Variants in LRBA observed in about 807,000 individuals in gnomAD.
LRBA encodes lipopolysaccharide-responsive and beige-like anchor protein.
In LRBA, 176 loss-of-function variants were observed where a neutral mutation model predicts 330.0. That is an observed-to-expected ratio of 0.53 (90% CI 0.47 to 0.60). The LOEUF (loss-of-function observed/expected upper bound fraction) is 0.60, where lower values mean the gene tolerates loss of function less well. LRBA is among the 20% of genes least tolerant of loss of function. LRBA has a pLI of 0.00. For missense variants in LRBA, 3,259 were observed against 3,444.8 expected (o/e 0.95, Z 1.35); for synonymous variants, 1,230 against 1,193.0 (o/e 1.03, Z -0.64).
At chr4:150,753,027 C>G (rs1468542809) in intron 35 of LRBA, among the ~76,000 whole-genome samples, 4 of 151,994 alleles carry the variant, frequency 2.6e-5, no homozygotes, top group Non-Finnish European at 5.9e-5. Flanking sequence ...CAGTATCTAC[C>G]ACCTTCTATC....
At chr4:150,887,439 T>C (rs1729053544) in intron 17 of LRBA, among the ~76,000 whole-genome samples, 1 of 151,974 alleles carries the variant, frequency 6.6e-6, no homozygotes, top group African/African-American at 2.4e-5. Flanking sequence ...GAGAAAGATA[T>C]AAGTGAAGCA....
chr4:150,283,562 A>C (rs1313305383), intron 54 of LRBA, among the ~76,000 whole-genome samples: 1 of 152,144 alleles, frequency 6.6e-6, no homozygotes, highest in East Asian at 1.9e-4. Flanking sequence ...CCCCACAATG[A>C]CTATTGAAAG....
At chr4:150,708,535 C>G (rs1294752955) in intron 36 of LRBA, among the ~76,000 whole-genome samples, 1 of 151,628 alleles carries the variant, frequency 6.6e-6, no homozygotes, top group Non-Finnish European at 1.5e-5. Context: ...AAAATGGTAT[C>G]AAAAAATAGA....
chr4:150,978,795 T>C (rs2149600008), intron 2 of LRBA, among the ~76,000 whole-genome samples: 1 of 152,128 alleles, frequency 6.6e-6, no homozygotes, highest in Non-Finnish European at 1.5e-5. Context: ...AAGAAAGAAT[T>C]AGTAAGCTTG....
intron 44 of LRBA, among the ~76,000 whole-genome samples, chr4:150,452,626 GAA>G (rs35235439): frequency 3.6e-5 from 5 of 137,114 alleles, no homozygotes; most frequent in Admixed American, 7.3e-5. Flanking sequence ...CATCTCAAAG[GAA>G]AAAAAAAAAA....
intron 35 of LRBA, among the ~76,000 whole-genome samples, chr4:150,754,045 C>T (rs1582246518): frequency 6.9e-6 from 1 of 145,610 alleles, no homozygotes; most frequent in African/African-American, 2.5e-5. Context: ...CCAGCCTGGG[C>T]AACAAAGTTG....
chr4:150,789,578 A>C (rs1283373752), intron 34 of LRBA, among the ~76,000 whole-genome samples: 1 of 152,194 alleles, frequency 6.6e-6, no homozygotes, highest in Non-Finnish European at 1.5e-5. Context: ...GATCCTGAGA[A>C]GCTGGGATGC....
chr4:150,592,212 A>C (rs1024087295), intron 38 of LRBA, among the ~76,000 whole-genome samples: 9 of 119,276 alleles, frequency 7.5e-5, no homozygotes, highest in Non-Finnish European at 1.3e-4. Flanking sequence ...CCCAAACCCC[A>C]GAAAGAATAA....
chr4:150,838,600 G>A (rs1288316128), intron 28 of LRBA, among the ~76,000 whole-genome samples: 2 of 152,148 alleles, frequency 1.3e-5, no homozygotes, highest in Non-Finnish European at 2.9e-5. Context: ...TGAAGCTTGT[G>A]CATTTGTCAC....
chr4:150,450,218 C>A (rs912352993), intron 44 of LRBA, among the ~76,000 whole-genome samples: 1 of 152,098 alleles, frequency 6.6e-6, no homozygotes, highest in African/African-American at 2.4e-5. Flanking sequence ...AAAATGAATT[C>A]TTTTATCAAA....
chr4:150,319,184 T>C (rs551730488), intron 50 of LRBA, among the ~76,000 whole-genome samples: 1 of 151,820 alleles, frequency 6.6e-6, no homozygotes, highest in African/African-American at 2.4e-5. Flanking sequence ...GCCAGCTCAG[T>C]TCCCGTTGAG....
intron 2 of LRBA, among the ~76,000 whole-genome samples, chr4:151,004,975 A>G (rs1743838727): frequency 1.3e-5 from 2 of 152,216 alleles, no homozygotes; most frequent in Admixed American, 6.5e-5. Flanking sequence ...TGGGCGACAG[A>G]GCGAGACTTC....
chr4:150,769,248 C>T (rs1018084333), intron 34 of LRBA, among the ~76,000 whole-genome samples: 3 of 151,872 alleles, frequency 2.0e-5, no homozygotes, highest in Non-Finnish European at 4.4e-5. Context: ...CCCGGCCTAT[C>T]AACTGCTATT....
intron 36 of LRBA, among the ~76,000 whole-genome samples, chr4:150,691,657 A>C (rs1784149895): frequency 6.6e-6 from 1 of 152,228 alleles, no homozygotes; most frequent in Non-Finnish European, 1.5e-5. Flanking sequence ...TTGTAAGCTT[A>C]AACATATACT....
chr4:150,704,087 C>T (rs1213495288), intron 36 of LRBA, among the ~76,000 whole-genome samples: 1 of 152,000 alleles, frequency 6.6e-6, no homozygotes, highest in African/African-American at 2.4e-5. Flanking sequence ...GTGAGGCACA[C>T]CTGTAGTCCC....
chr4:150,644,889 T>C (rs1778988084), intron 37 of LRBA, among the ~76,000 whole-genome samples: 1 of 151,846 alleles, frequency 6.6e-6, no homozygotes, highest in Non-Finnish European at 1.5e-5. Flanking sequence ...TATACGGTAT[T>C]TAAAGCATAA....
intron 48 of LRBA, among the ~76,000 whole-genome samples, chr4:150,327,965 T>A (rs1234792018): frequency 6.6e-6 from 1 of 152,142 alleles, no homozygotes; most frequent in African/African-American, 2.4e-5. Flanking sequence ...GAGATTTCTT[T>A]GGAGGTTCTG....
At chr4:150,614,897 A>C (rs1775617392) in intron 37 of LRBA, among the ~76,000 whole-genome samples, 1 of 152,266 alleles carries the variant, frequency 6.6e-6, no homozygotes, top group African/African-American at 2.4e-5. Flanking sequence ...TATGGTTATC[A>C]GCTGGCCATA....
chr4:150,798,029 C>A, intron 34 of LRBA, 52 bp downstream of exon 34: 1 of 1,221,364 alleles, frequency 8.2e-7, no homozygotes, highest in Non-Finnish European at 1.2e-6. Flanking sequence ...CCCATGAAAA[C>A]AAATTCATGT....
Sources: allele counts gnomAD v4.1 joint callset (sites outside exome capture counted in the v4.1 genomes callset), GRCh38; gene constraint gnomAD v4.1.1; transcripts MANE v1.5; gene names NCBI Gene and HGNC (gene_info 2026-07-23, HGNC 2026-07-21).